FAT4: variants seen among roughly 807,000 people sequenced by gnomAD.
FAT4 encodes protocadherin Fat 4.
Under a neutral mutation model 303.9 loss-of-function variants are expected in FAT4, and 84 were observed. The observed-to-expected ratio is 0.28, with a 90% CI of 0.23 to 0.33. The LOEUF is 0.33. FAT4 is among the 10% of genes least tolerant of loss of function. FAT4 has a pLI of 1.00. For missense variants in FAT4, 6,005 were observed against 6,146.8 expected, an observed-to-expected ratio of 0.98 and a Z score of 0.77; for synonymous variants, 2,307 against 2,298.8, an observed-to-expected ratio of 1.00 and a Z score of -0.10.
Position 125,468,832 on chromosome 4 carries a change from A to G in FAT4, c.12213+13A>G, listed in dbSNP as rs1239636831. ...GAGAGCAGGAATGGTAAGATATTTC[A>G]TTTTATTGTTGTTGTATATCCAACT... On this transcript the variant is annotated intron_variant, in intron 12 of 17. Transcript: ENST00000394329. 30 of 1,597,848 alleles carry G rather than the reference A, an allele frequency of 1.9e-5. No homozygotes were observed. The highest frequency in any genetic ancestry group is 2.4e-5 in the Non-Finnish European group (28 of 1,168,474).
chr4:125,315,032 CTGTT>C lies in FAT4; in HGVS notation c.-954_-951del, dbSNP rs1418471776. ...CCAGCTCGCGGTCTTCCCTCCCCCT[CTGTT>C]TGTGTTTCGGCGACGCGCTGTGTGT... On this transcript the variant is annotated 5_prime_UTR_variant, in exon 1 of 18. Coordinates refer to ENST00000394329, the MANE Select transcript of FAT4 (RefSeq NM_001291303.3). 6.6e-6 allele frequency among the ~76,000 whole-genome samples: 1 copy of C among 152,104 alleles called. No homozygotes were observed. The highest frequency in any genetic ancestry group is 2.4e-5 in the African/African-American group (1 of 41,420).
chr4:125,334,355 A>G (rs369411122), intron 2 of FAT4, among the ~76,000 whole-genome samples: 2 of 151,956 alleles, frequency 1.3e-5, no homozygotes, highest in Non-Finnish European at 2.9e-5. Flanking sequence ...ACCTGTCCCC[A>G]TCCCATCCAT....
chr4:125,400,635 C>T (rs146145226), intron 3 of FAT4, among the ~76,000 whole-genome samples: 45 of 151,782 alleles, frequency 3.0e-4, no homozygotes, highest in African/African-American at 1.1e-3. Context: ...CTAGGAAGGT[C>T]CTTATACATC....
chr4:125,346,884 G>C (rs909567968), intron 2 of FAT4, among the ~76,000 whole-genome samples: 1 of 151,990 alleles, frequency 6.6e-6, no homozygotes, highest in Non-Finnish European at 1.5e-5. Context: ...CTGTGAATAG[G>C]AACAGTAGCC....
chr4:125,396,828 C>G (rs1458668324), intron 2 of FAT4, among the ~76,000 whole-genome samples: 1 of 151,132 alleles, frequency 6.6e-6, no homozygotes, highest in Non-Finnish European at 1.5e-5. Flanking sequence ...GTTTTAAGGA[C>G]TATGCATATA....
intron 17 of FAT4, among the ~76,000 whole-genome samples, chr4:125,488,440 A>G (rs546954359): frequency 3.3e-5 from 5 of 152,346 alleles, no homozygotes; most frequent in South Asian, 2.1e-4. Flanking sequence ...GAGTGGATCT[A>G]CAGAAATGAG....
At chr4:125,473,748 C>G (rs1726938593) in intron 12 of FAT4, among the ~76,000 whole-genome samples, 1 of 151,610 alleles carries the variant, frequency 6.6e-6, no homozygotes, top group Non-Finnish European at 1.5e-5. Flanking sequence ...TTGATTCTAT[C>G]AGACAAGGAC....
At chr4:125,389,595 C>A (rs1733901456) in intron 2 of FAT4, among the ~76,000 whole-genome samples, 1 of 152,066 alleles carries the variant, frequency 6.6e-6, no homozygotes, top group South Asian at 2.1e-4. Context: ...GGTAGTGGTC[C>A]TATTAGTTTT....
chr4:125,410,048 T>G (rs1021706989), intron 5 of FAT4, among the ~76,000 whole-genome samples: 11 of 152,148 alleles, frequency 7.2e-5, no homozygotes, highest in Non-Finnish European at 1.3e-4. Flanking sequence ...CTTCTCATAG[T>G]GTCTATAAAT....
chr4:125,388,970 A>G (rs1414239018), intron 2 of FAT4, among the ~76,000 whole-genome samples: 1 of 152,202 alleles, frequency 6.6e-6, no homozygotes, highest in East Asian at 1.9e-4. Flanking sequence ...GACTGTTAGA[A>G]GAGTTTTAGT....
Position 125,452,154 on chromosome 4 carries a change from T to A in FAT4, c.11144T>A (p.Ile3715Asn). The A allele has an allele frequency of 6.2e-7, 1 of 1,614,220 alleles. No homozygotes were observed. The highest frequency in any genetic ancestry group is 8.5e-7 in the Non-Finnish European group (1 of 1,180,042). ...GFSNATVDNS[I>N]LLRLGVPTVK... ...TCCAATGCCACAGTGGATAACAGCA[T>A]CTTACTTCGTCTCGGCGTACCAACA... The change falls in exon 10 of 18, where the codon ATC becomes AAC. Residue 3715 changes from isoleucine (I) to asparagine (N), a missense_variant. Coordinates refer to ENST00000394329, the MANE Select transcript of FAT4 (RefSeq NM_001291303.3).
At chr4:125,462,126 T>C (rs1726504006) in intron 10 of FAT4, among the ~76,000 whole-genome samples, 2 of 151,976 alleles carry the variant, frequency 1.3e-5, no homozygotes, top group Non-Finnish European at 2.9e-5. Context: ...TTTATGATTC[T>C]GTGATGTACA....
In FAT4 at chr4:125,404,342, A is replaced by G. The variant is rs188228533; in HGVS notation, c.5308-2538A>G. Among the ~76,000 whole-genome samples, 60 of 152,254 alleles carry G rather than the reference A, an allele frequency of 3.9e-4. 1 individual carries two copies. Among genetic ancestry groups the G allele is most frequent in the Admixed American group, 1.0e-3 (16 of 15,282 alleles). ...CAATATCCTTAAAAGATTGCTTCCA[A>G]TTAAAACAATATTGGGGTTCCTTGG... On this transcript the variant is annotated intron_variant, in intron 3 of 17. Coordinates refer to ENST00000394329, the MANE Select transcript of FAT4 (RefSeq NM_001291303.3).
In FAT4 at chr4:125,415,215, T is replaced by C; in HGVS notation, c.6252T>C (p.Tyr2084=). Reference sequence around the variant, plus strand: ...ACCCAGATAGTGGCCCAAACAGCTATATTGAGTACACTCTGCTGAACCCTT... The same window carrying C: ...ACCCAGATAGTGGCCCAAACAGCTACATTGAGTACACTCTGCTGAACCCTT... The part of the protein sequence containing the change: ...ATDPDSGPNS[Y]IEYTLLNPLG... The change falls in exon 6 of 18, where the codon TAT becomes TAC. Residue 2084 remains tyrosine (Y), a synonymous_variant. Transcript: ENST00000394329. 6.2e-7 allele frequency: 1 copy of C among 1,614,082 alleles called. No homozygotes were observed. Among genetic ancestry groups the C allele is most frequent in the East Asian group, 2.2e-5 (1 of 44,870 alleles).
At position 125,487,765 on chromosome 4, in the gene FAT4, G is replaced by A. The variant is rs146991558; in HGVS notation, c.13084+159G>A. On this transcript the variant is annotated intron_variant, in intron 17 of 17. Transcript: ENST00000394329. ...TGTTTAAAAAAGTAGTTTGATGTCT[G>A]ATAATATCAATTATAAATATCCTAA... 9.4e-4 allele frequency among the ~76,000 whole-genome samples: 143 copies of A among 152,284 alleles called. 2 individuals are homozygous for A. The East Asian group carries it at 0.017, about 18-fold the overall frequency.
At chr4:125,330,823 AC>A (rs371989615) in intron 2 of FAT4, among the ~76,000 whole-genome samples, 78 of 152,202 alleles carry the variant, frequency 5.1e-4, no homozygotes, top group Middle Eastern at 3.4e-3. Context: ...TTCCTATTTC[AC>A]TTATAGTAAA....
chr4:125,367,286 A>G (rs1732922116), intron 2 of FAT4, among the ~76,000 whole-genome samples: 4 of 152,154 alleles, frequency 2.6e-5, no homozygotes, highest in Non-Finnish European at 5.9e-5. Context: ...TTTGCCAGAC[A>G]TTTTTCTACA....
chr4:125,379,706 C>G (rs1008586433), intron 2 of FAT4, among the ~76,000 whole-genome samples: 4 of 151,938 alleles, frequency 2.6e-5, no homozygotes, highest in Admixed American at 2.6e-4. Context: ...GTAATCCACC[C>G]ACCTCGGCCT....
intron 2 of FAT4, among the ~76,000 whole-genome samples, 174 bp from the exon 3 acceptor site, chr4:125,398,610 G>C (rs557455208): frequency 9.9e-5 from 15 of 152,178 alleles, no homozygotes; most frequent in Non-Finnish European, 2.1e-4. Flanking sequence ...TTATGTTTTC[G>C]TGTAAAGATT....
Sources: gnomAD v4.1 joint callset for allele counts (sites outside exome capture counted in the v4.1 genomes callset) on GRCh38, gnomAD v4.1.1 for gene constraint, MANE v1.5 for transcripts, NCBI Gene and HGNC (gene_info 2026-07-23, HGNC 2026-07-21) for gene names.